The following ASH1L variants were observed in gnomAD, a reference collection of about 807,000 sequenced individuals.
ASH1L encodes ASH1 like histone lysine methyltransferase.
A neutral mutation model predicts 269.0 loss-of-function variants in ASH1L; 23 were observed. That is an observed-to-expected ratio of 0.09 (90% CI 0.06 to 0.12). ASH1L has a LOEUF of 0.12. Among genes scored for constraint, ASH1L ranks in the 10% least tolerant of loss-of-function variants. ASH1L has a pLI of 1.00. For missense variants in ASH1L, 2,912 were observed against 3,567.8 expected, an observed-to-expected ratio of 0.82 and a Z score of 4.68; for synonymous variants, 1,187 against 1,253.5, an observed-to-expected ratio of 0.95 and a Z score of 1.12.
In ASH1L at chr1:155,534,136, T is replaced by C. The variant is rs60745751; in HGVS notation, c.-99-12518A>G. 6.6e-3 allele frequency among the ~76,000 whole-genome samples: 993 copies of C among 149,588 alleles called. 11 individuals are homozygous for C. Among genetic ancestry groups the C allele is most frequent in the African/African-American group, 0.022 (894 of 40,584 alleles). ...GCTATAGTGAGCCATGGTGGTGCCA[T>C]TGCACTCCACGCTGGAAACAGGCCG... On this transcript the variant is annotated intron_variant, in intron 1 of 27. Coordinates refer to ENST00000392403, the MANE Select transcript of ASH1L (RefSeq NM_018489.3).
At chr1:155,375,819 A>G (rs1199567397) in intron 10 of ASH1L, among the ~76,000 whole-genome samples, 1 of 149,722 alleles carries the variant, frequency 6.7e-6, no homozygotes, top group Non-Finnish European at 1.5e-5. Flanking sequence ...AAGAAAAATG[A>G]GACAGTCGCA....
At chr1:155,463,619 T>G (rs2148682056) in intron 3 of ASH1L, among the ~76,000 whole-genome samples, 1 of 151,744 alleles carries the variant, frequency 6.6e-6, no homozygotes, top group East Asian at 1.9e-4. Context: ...ATGGCGAAAC[T>G]CAGTCTCTAC....
At chr1:155,524,246 A>C (rs536406508) in intron 1 of ASH1L, among the ~76,000 whole-genome samples, 2 of 152,248 alleles carry the variant, frequency 1.3e-5, no homozygotes, top group South Asian at 4.1e-4. Flanking sequence ...AAGTAGGCTG[A>C]GCATGGTGGC....
intron 1 of ASH1L, among the ~76,000 whole-genome samples, chr1:155,544,453 A>AT (rs903759312): frequency 1.5e-4 from 23 of 151,502 alleles, no homozygotes; most frequent in Admixed American, 1.1e-3. Flanking sequence ...CGACCAGCCA[A>AT]TTTTTTTGTA....
intron 2 of ASH1L, among the ~76,000 whole-genome samples, chr1:155,515,024 A>G (rs756076646): frequency 6.6e-6 from 1 of 152,150 alleles, no homozygotes; most frequent in Non-Finnish European, 1.5e-5. Context: ...CCAAACTTGC[A>G]CCAAAAAAGG....
At chr1:155,450,984 G>C (rs529489216) in intron 4 of ASH1L, among the ~76,000 whole-genome samples, 18 of 151,524 alleles carry the variant, frequency 1.2e-4, no homozygotes, top group African/African-American at 4.1e-4. Flanking sequence ...AATCACCTGA[G>C]GTCAGGAGTC....
chr1:155,350,548 C>T (rs959056874), intron 17 of ASH1L, among the ~76,000 whole-genome samples: 9 of 152,134 alleles, frequency 5.9e-5, no homozygotes, highest in Non-Finnish European at 1.3e-4. Context: ...TACTACTCAA[C>T]AAATCTTATA....
intron 3 of ASH1L, 111 bp downstream of exon 3, chr1:155,477,775 T>G: frequency 9.4e-7 from 1 of 1,064,510 alleles, no homozygotes; most frequent in Non-Finnish European, 1.3e-6. Flanking sequence ...ATACACTTAT[T>G]AAAAAACAAA....
chr1:155,399,427 G>A (rs537605119), intron 6 of ASH1L, among the ~76,000 whole-genome samples: 9 of 152,178 alleles, frequency 5.9e-5, no homozygotes, highest in Non-Finnish European at 1.2e-4. Context: ...CAGATTACCT[G>A]AGGTCGGGAG....
chr1:155,370,201 C>A, intron 12 of ASH1L: 1 of 368,484 alleles, frequency 2.7e-6, no homozygotes, highest in Non-Finnish European at 5.1e-6. Flanking sequence ...ACCACCCTGG[C>A]TATCATCATC....
chr1:155,439,640 C>CTTG (rs1225913676), intron 4 of ASH1L, among the ~76,000 whole-genome samples: 4 of 152,100 alleles, frequency 2.6e-5, no homozygotes, highest in African/African-American at 9.7e-5. Flanking sequence ...GTCGAGGCTG[C>CTTG]AGTGAGTCAC....
chr1:155,553,408 T>A (rs1418332949), intron 1 of ASH1L, among the ~76,000 whole-genome samples: 1 of 152,220 alleles, frequency 6.6e-6, no homozygotes, highest in African/African-American at 2.4e-5. Flanking sequence ...CATATTTCCA[T>A]CTTTATTTGA....
At chr1:155,339,170 A>C (rs1003983733) in intron 26 of ASH1L, among the ~76,000 whole-genome samples, 158 bp downstream of exon 26, 1 of 152,104 alleles carries the variant, frequency 6.6e-6, no homozygotes. Context: ...ACATCTACTG[A>C]AATTTAGTTC....
intron 3 of ASH1L, among the ~76,000 whole-genome samples, chr1:155,473,485 T>A (rs1665272737): frequency 6.7e-6 from 1 of 149,036 alleles, no homozygotes; most frequent in African/African-American, 2.6e-5. Context: ...TTTATTGTAG[T>A]ATTTCTATTT....
intron 12 of ASH1L, 128 bp downstream of exon 12, chr1:155,370,376 A>T: frequency 8.6e-7 from 1 of 1,160,518 alleles, no homozygotes; most frequent in Non-Finnish European, 1.2e-6. Flanking sequence ...TGCCCGTGGG[A>T]TCTGGGGTAA....
chr1:155,488,043 G>A (rs1666445380), intron 2 of ASH1L, among the ~76,000 whole-genome samples: 1 of 151,766 alleles, frequency 6.6e-6, no homozygotes, highest in Non-Finnish European at 1.5e-5. Context: ...CCCGCCAGCA[G>A]GCCCAGCTAA....
At chr1:155,462,561 TCATTATTGGCAG>T (rs370883454) in intron 3 of ASH1L, among the ~76,000 whole-genome samples, 23 of 152,260 alleles carry the variant, frequency 1.5e-4, no homozygotes, top group African/African-American at 4.1e-4. Context: ...TCCATGGAGA[TCATTATTGGCAG>T]CATTATTGGC....
At chr1:155,524,022 A>G (rs1669067386) in intron 1 of ASH1L, among the ~76,000 whole-genome samples, 1 of 152,218 alleles carries the variant, frequency 6.6e-6, no homozygotes, top group Admixed American at 6.5e-5. Context: ...CACTCTGATG[A>G]TTCTTGTCTA....
At chr1:155,433,281 C>T in intron 5 of ASH1L, 1 of 1,566,830 alleles carries the variant, frequency 6.4e-7, no homozygotes, top group Admixed American at 1.9e-5. Context: ...GATCCTCGGA[C>T]CTGGCTAAGC....
Sources: gnomAD v4.1 joint callset for allele counts (sites outside exome capture counted in the v4.1 genomes callset) on GRCh38, gnomAD v4.1.1 for gene constraint, MANE v1.5 for transcripts, NCBI Gene and HGNC (gene_info 2026-07-23, HGNC 2026-07-21) for gene names.